PTPRD: variants seen among roughly 807,000 people sequenced by gnomAD.
The protein encoded by PTPRD is protein tyrosine phosphatase receptor type D, also known as receptor-type tyrosine-protein phosphatase delta.
Under a neutral mutation model 214.5 loss-of-function variants are expected in PTPRD, and 34 were observed. The observed-to-expected ratio is 0.16, with a 90% confidence interval of 0.12 to 0.21. The LOEUF is 0.21. Among genes scored for constraint, PTPRD ranks in the 10% least tolerant of loss-of-function variants. PTPRD has a pLI of 1.00. For missense variants in PTPRD, 2,545 were observed against 2,398.7 expected, an observed-to-expected ratio of 1.06 and a Z score of -1.27; for synonymous variants, 1,128 against 845.7, an observed-to-expected ratio of 1.33 and a Z score of -5.79.
rs1445205555 is a variant in PTPRD, at chr9:8,341,676, C to G, written c.4947+17G>C. ...ATGACTTGCTCCTGAATAACCACAT[C>G]ACATCCAATACCATACCTTAAATTC... is the stretch of plus-strand genomic sequence containing the variant. On this transcript the variant is annotated intron_variant, in intron 40 of 45. Transcript: ENST00000381196. 1.2e-6 allele frequency: 2 copies of G among 1,610,310 alleles called. No homozygotes were observed. Among genetic ancestry groups the G allele is most frequent in the Non-Finnish European group, 1.7e-6 (2 of 1,177,640 alleles).
chr9:8,971,658 T>C, intron 11 of PTPRD, among the ~76,000 whole-genome samples: 1 of 151,590 alleles, frequency 6.6e-6, no homozygotes, highest in East Asian at 1.9e-4. Flanking sequence ...TATGGGGAAA[T>C]CATCCTATCT....
At chr9:9,914,544 G>C (rs986395562) in intron 5 of PTPRD, among the ~76,000 whole-genome samples, 1 of 152,188 alleles carries the variant, frequency 6.6e-6, no homozygotes, top group Non-Finnish European at 1.5e-5. Context: ...CAGCCTTGCA[G>C]ATTGCCCTTA....
At chr9:10,502,654 CTG>C (rs2133291356) in intron 2 of PTPRD, among the ~76,000 whole-genome samples, 1 of 152,202 alleles carries the variant, frequency 6.6e-6, no homozygotes, top group South Asian at 2.1e-4. Context: ...AAACGAAACA[CTG>C]TGCATGCACA....
intron 10 of PTPRD, among the ~76,000 whole-genome samples, chr9:9,133,669 A>C (rs1337912059): frequency 6.6e-6 from 1 of 152,188 alleles, no homozygotes; most frequent in Non-Finnish European, 1.5e-5. Context: ...AATATGAAAG[A>C]AGCATTGTTC....
intron 3 of PTPRD, among the ~76,000 whole-genome samples, chr9:10,233,616 G>C (rs565665370): frequency 5.6e-4 from 85 of 151,814 alleles, no homozygotes; most frequent in African/African-American, 2.0e-3. Flanking sequence ...TATTTTACTT[G>C]CCAATTGCAA....
At chr9:10,053,636 A>T (rs544506175) in intron 3 of PTPRD, among the ~76,000 whole-genome samples, 1 of 152,322 alleles carries the variant, frequency 6.6e-6, no homozygotes, top group East Asian at 1.9e-4. Flanking sequence ...TGAGGTTTTC[A>T]GGCAATATCT....
intron 11 of PTPRD, among the ~76,000 whole-genome samples, chr9:8,816,728 T>C: frequency 6.6e-6 from 1 of 152,202 alleles, no homozygotes; most frequent in Non-Finnish European, 1.5e-5. Flanking sequence ...TCTTTCCATA[T>C]CAACATGTTA....
chr9:10,406,834 G>C (rs1223655269), intron 2 of PTPRD, among the ~76,000 whole-genome samples: 12 of 151,686 alleles, frequency 7.9e-5, no homozygotes, highest in East Asian at 2.0e-4. Flanking sequence ...GATGTTCATA[G>C]AGTCCATTTC....
intron 2 of PTPRD, among the ~76,000 whole-genome samples, chr9:10,550,596 C>T (rs1319612931): frequency 6.6e-6 from 1 of 152,190 alleles, no homozygotes; most frequent in Non-Finnish European, 1.5e-5. Flanking sequence ...TAAAATTAGA[C>T]TCATTTCACC....
chr9:10,065,665 C>G (rs1263733386), intron 3 of PTPRD, among the ~76,000 whole-genome samples: 1 of 151,804 alleles, frequency 6.6e-6, no homozygotes, highest in Non-Finnish European at 1.5e-5. Context: ...TAAATATCAA[C>G]CAATATGTGG....
intron 12 of PTPRD, among the ~76,000 whole-genome samples, chr9:8,692,075 G>A (rs1292634749): frequency 1.3e-5 from 2 of 151,884 alleles, no homozygotes; most frequent in Non-Finnish European, 2.9e-5. Flanking sequence ...TTCTCTTTTT[G>A]ATCATATTTC....
intron 2 of PTPRD, among the ~76,000 whole-genome samples, chr9:10,453,634 G>A (rs76311559): frequency 0.027 from 4,158 of 151,548 alleles, 202 homozygotes; most frequent in African/African-American, 0.095. Context: ...GCTACCACTT[G>A]TGTATGTTGA....
At chr9:9,934,418 C>G (rs1311405393) in intron 5 of PTPRD, among the ~76,000 whole-genome samples, 1 of 135,674 alleles carries the variant, frequency 7.4e-6, no homozygotes, top group Non-Finnish European at 1.6e-5. Context: ...CACAGAAAGA[C>G]AAACTACCAT....
intron 2 of PTPRD, among the ~76,000 whole-genome samples, chr9:10,431,006 T>A (rs2098672399): frequency 6.6e-6 from 1 of 152,002 alleles, no homozygotes; most frequent in Non-Finnish European, 1.5e-5. Flanking sequence ...TTGAATGTCA[T>A]CTGAATGCTT....
chr9:9,373,916 A>G (rs1340136151), intron 9 of PTPRD, among the ~76,000 whole-genome samples: 2 of 152,020 alleles, frequency 1.3e-5, no homozygotes, highest in Non-Finnish European at 2.9e-5. Flanking sequence ...TATGGACATT[A>G]TATTTTATCA....
intron 14 of PTPRD, among the ~76,000 whole-genome samples, chr9:8,546,443 G>T (rs1308091704): frequency 2.0e-5 from 3 of 151,982 alleles, no homozygotes; most frequent in Non-Finnish European, 4.4e-5. Flanking sequence ...AAGAACTATG[G>T]GAGAGAACTT....
At chr9:9,465,813 T>C (rs1175213471) in intron 8 of PTPRD, among the ~76,000 whole-genome samples, 1 of 152,032 alleles carries the variant, frequency 6.6e-6, no homozygotes, top group Admixed American at 6.6e-5. Flanking sequence ...TTTGCTTCCA[T>C]GGAAATCAAG....
In PTPRD at chr9:8,738,488, T is replaced by A. The variant is rs945282256; in HGVS notation, c.-103-4542A>T. On this transcript the variant is annotated intron_variant, in intron 11 of 45. Coordinates refer to ENST00000381196, the MANE Select transcript of PTPRD (RefSeq NM_002839.4). The stretch of plus-strand genomic sequence containing the variant: ...CAGATTATAGGCTTTGTATGGGAAA[T>A]GTAGAAAATTAGTCAACATCTTGCC... Among the ~76,000 whole-genome samples the A allele has an allele frequency of 3.3e-5, 5 of 151,974 alleles. No individual in the cohort carries two copies. The East Asian group carries it at 9.7e-4, about 29-fold the overall frequency.
chr9:9,542,743 A>T (rs80221970), intron 8 of PTPRD, among the ~76,000 whole-genome samples: 2,020 of 151,880 alleles, frequency 0.013, 49 homozygotes, highest in African/African-American at 0.046. Context: ...CAGAGATGCA[A>T]ATTAAACCAC....
Sources: gnomAD v4.1 joint callset for allele counts (sites outside exome capture counted in the v4.1 genomes callset) on GRCh38, gnomAD v4.1.1 for gene constraint, MANE v1.5 for transcripts, NCBI Gene and HGNC (gene_info 2026-07-23, HGNC 2026-07-21) for gene names.